Variants in SYNDIG1 observed in about 807,000 individuals in gnomAD.
SYNDIG1 encodes the protein synapse differentiation inducing 1, also known as synapse differentiation-inducing gene protein 1.
Under a neutral mutation model 19.4 loss-of-function variants are expected in SYNDIG1, and 9 were observed. The observed-to-expected ratio is 0.46, with a 90% CI of 0.28 to 0.81. SYNDIG1 has a LOEUF of 0.81. Ranked by LOEUF, SYNDIG1 falls within the 30% of genes least tolerant of loss-of-function variation. The pLI is 0.12. For missense variants in SYNDIG1, 311 were observed against 343.3 expected, an observed-to-expected ratio of 0.91 and a Z score of 0.74; for synonymous variants, 141 against 145.9, an observed-to-expected ratio of 0.97 and a Z score of 0.24.
chr20:24,572,227 C>T (rs898945408), intron 2 of SYNDIG1, among the ~76,000 whole-genome samples: 1 of 152,212 alleles, frequency 6.6e-6, no homozygotes, highest in African/African-American at 2.4e-5. Context: ...GACCTAACCC[C>T]TGGTGTTTCA....
At chr20:24,649,857 G>A (rs2059453266) in intron 3 of SYNDIG1, among the ~76,000 whole-genome samples, 1 of 152,192 alleles carries the variant, frequency 6.6e-6, no homozygotes, top group Non-Finnish European at 1.5e-5. Context: ...ATAAACACCA[G>A]TGACAGTACC....
chr20:24,651,984 C>T (rs577237386), intron 3 of SYNDIG1, among the ~76,000 whole-genome samples: 2 of 152,268 alleles, frequency 1.3e-5, no homozygotes, highest in East Asian at 3.9e-4. Flanking sequence ...CCTGTTAATG[C>T]CATATGGAGT....
intron 1 of SYNDIG1, among the ~76,000 whole-genome samples, chr20:24,478,526 A>T (rs1273970396): frequency 6.6e-6 from 1 of 152,166 alleles, no homozygotes; most frequent in Non-Finnish European, 1.5e-5. Context: ...TCTAAAGTGC[A>T]TTTTTTCTCA....
chr20:24,547,691 A>G (rs978875913), intron 2 of SYNDIG1, among the ~76,000 whole-genome samples: 1 of 152,146 alleles, frequency 6.6e-6, no homozygotes, highest in Non-Finnish European at 1.5e-5. Flanking sequence ...TGCTTCATCC[A>G]CTTCCCAGCC....
In SYNDIG1 at chr20:24,571,187, A is replaced by G. The variant is rs1344824615; in HGVS notation, c.481-13669A>G. On this transcript the variant is annotated intron_variant, in intron 2 of 3. Coordinates refer to ENST00000376862, the MANE Select transcript of SYNDIG1 (RefSeq NM_024893.3). ...TTTGGAGGTGATGAAGCATTTCTGTATCTTGGCATACATCTATACATGCAA... is the reference window on the plus strand; with the variant it reads ...TTTGGAGGTGATGAAGCATTTCTGTGTCTTGGCATACATCTATACATGCAA... Among the ~76,000 whole-genome samples, 2 of 152,166 alleles carry G rather than the reference A, an allele frequency of 1.3e-5. 1 individual carries two copies. The highest frequency in any genetic ancestry group is 3.8e-4 in the East Asian group (2 of 5,200).
At chr20:24,562,120 G>T (rs961343536) in intron 2 of SYNDIG1, among the ~76,000 whole-genome samples, 1 of 151,906 alleles carries the variant, frequency 6.6e-6, no homozygotes, top group Non-Finnish European at 1.5e-5. Context: ...CCTTATAGTT[G>T]CATCTCATTT....
chr20:24,474,288 CTG>C (rs1316235045), intron 1 of SYNDIG1, among the ~76,000 whole-genome samples: 2 of 152,128 alleles, frequency 1.3e-5, no homozygotes, highest in South Asian at 4.1e-4. Context: ...GGATGACAAA[CTG>C]TAAATCATCT....
chr20:24,553,659 A>C (rs1336896435), intron 2 of SYNDIG1, among the ~76,000 whole-genome samples: 1 of 152,140 alleles, frequency 6.6e-6, no homozygotes, highest in Admixed American at 6.5e-5. Flanking sequence ...GTTCTGTTCC[A>C]TTCATCTATA....
At chr20:24,630,859 T>C (rs890834882) in intron 3 of SYNDIG1, among the ~76,000 whole-genome samples, 2 of 152,236 alleles carry the variant, frequency 1.3e-5, no homozygotes, top group Non-Finnish European at 2.9e-5. Flanking sequence ...CAGTTGGTGG[T>C]GAGACTAATA....
chr20:24,539,923 C>T (rs140298734), intron 1 of SYNDIG1, among the ~76,000 whole-genome samples: 13,849 of 152,060 alleles, frequency 0.091, 749 homozygotes, highest in African/African-American at 0.13. Context: ...GGATTACAGG[C>T]GCCCACCACC....
At chr20:24,639,080 C>A (rs1159063140) in intron 3 of SYNDIG1, among the ~76,000 whole-genome samples, 3 of 152,150 alleles carry the variant, frequency 2.0e-5, no homozygotes, top group Non-Finnish European at 4.4e-5. Context: ...AACGGCAAGA[C>A]CCACAAAGGC....
intron 1 of SYNDIG1, among the ~76,000 whole-genome samples, chr20:24,515,310 C>A (rs2056838546): frequency 6.6e-6 from 1 of 152,162 alleles, no homozygotes; most frequent in African/African-American, 2.4e-5. Context: ...ACACAAAAAA[C>A]CCTTCAGAAA....
At chr20:24,505,267 G>T (rs2056559566) in intron 1 of SYNDIG1, among the ~76,000 whole-genome samples, 3 of 152,184 alleles carry the variant, frequency 2.0e-5, no homozygotes, top group South Asian at 4.1e-4. Flanking sequence ...CCAGCCAAGG[G>T]TGCGCAGCCA....
chr20:24,585,566 G>A (rs957293360), intron 3 of SYNDIG1, among the ~76,000 whole-genome samples: 8 of 152,142 alleles, frequency 5.3e-5, no homozygotes, highest in South Asian at 2.1e-4. Flanking sequence ...TAAAGGTTTC[G>A]ATTCCCAGCC....
rs550217479 is a variant in SYNDIG1, at chr20:24,614,109, C to T, written c.618+29116C>T. On this transcript the variant is annotated intron_variant, in intron 3 of 3. Transcript: ENST00000376862. ...TATGGGGCTCAATTGATCCTCCTGC[C>T]TCAGCCTCCCAAGTAGCTGGGACTA... Among the ~76,000 whole-genome samples, 8 of 152,346 alleles carry T rather than the reference C, an allele frequency of 5.3e-5. No individual in the cohort carries two copies. In the South Asian group the frequency reaches 1.7e-3, roughly 32 times the overall value.
chr20:24,614,507 C>T (rs2058898690), intron 3 of SYNDIG1, among the ~76,000 whole-genome samples: 1 of 151,850 alleles, frequency 6.6e-6, no homozygotes, highest in Non-Finnish European at 1.5e-5. Context: ...AAAACAGAAT[C>T]TGAGGGGAAC....
intron 3 of SYNDIG1, among the ~76,000 whole-genome samples, chr20:24,586,210 C>T (rs945838861): frequency 2.0e-5 from 3 of 152,128 alleles, no homozygotes; most frequent in South Asian, 2.1e-4. Context: ...CTTTTGCAGG[C>T]AGGGGTGTAG....
At chr20:24,557,965 C>T (rs537772997) in intron 2 of SYNDIG1, among the ~76,000 whole-genome samples, 60 of 152,272 alleles carry the variant, frequency 3.9e-4, no homozygotes, top group African/African-American at 1.3e-3. Flanking sequence ...GTGCTGCAGC[C>T]GAGGAGATGG....
intron 2 of SYNDIG1, among the ~76,000 whole-genome samples, chr20:24,584,351 G>A (rs183929619): frequency 1.1e-4 from 16 of 152,358 alleles, no homozygotes; most frequent in Admixed American, 9.1e-4. Flanking sequence ...GTCCTTGTCC[G>A]CTAGTGAGAA....
Sources: allele counts gnomAD v4.1 joint callset (sites outside exome capture counted in the v4.1 genomes callset), GRCh38; gene constraint gnomAD v4.1.1; transcripts MANE v1.5; gene names NCBI Gene and HGNC (gene_info 2026-07-23, HGNC 2026-07-21).